The following CD99L2 variants were observed in gnomAD, a reference collection of about 807,000 sequenced individuals.
CD99L2 encodes CD99 molecule like 2.
A neutral mutation model predicts 27.3 loss-of-function variants in CD99L2; 24 were observed. That is an observed-to-expected ratio of 0.88 (90% CI 0.64 to 1.24). CD99L2 has a LOEUF of 1.24. CD99L2 is among the 50% of genes most tolerant of loss of function. CD99L2 has a pLI of 0.00. For synonymous variants in CD99L2, 97 were observed against 87.9 expected (o/e 1.10, Z -0.58); for missense variants, 255 against 221.6 (o/e 1.15, Z -0.96).
At chrX:150,808,198 C>T (rs1331039545) in intron 4 of CD99L2, among the ~76,000 whole-genome samples, 1 of 112,673 alleles carries the variant, frequency 8.9e-6, no homozygotes, top group Admixed American at 9.4e-5. Context: ...ACACTGATAT[C>T]GAAAACATCA....
chrX:150,835,737 T>TA (rs1255490943), intron 1 of CD99L2, among the ~76,000 whole-genome samples: 1 of 110,931 alleles, frequency 9.0e-6, no homozygotes, highest in African/African-American at 3.3e-5. Flanking sequence ...AAATAAAAAT[T>TA]AAAAAATAAA....
At chrX:150,817,035 T>A (rs1490633413) in intron 2 of CD99L2, among the ~76,000 whole-genome samples, 1 of 61,510 alleles carries the variant, frequency 1.6e-5, no homozygotes, top group African/African-American at 6.7e-5. Flanking sequence ...CATCACACTC[T>A]GGGGACTGTT....
At chrX:150,800,409 C>CA (rs1317789399) in intron 4 of CD99L2, among the ~76,000 whole-genome samples, 1 of 110,545 alleles carries the variant, frequency 9.0e-6, no homozygotes, top group African/African-American at 3.3e-5. Flanking sequence ...ATTCAAAGAA[C>CA]AAAAAACAAA....
intron 7 of CD99L2, among the ~76,000 whole-genome samples, chrX:150,781,840 C>T (rs782284958): frequency 8.9e-6 from 1 of 112,301 alleles, no homozygotes; most frequent in East Asian, 2.8e-4. Context: ...GGAGGCATGA[C>T]CTCACTGAGA....
chrX:150,836,916 T>C (rs782751250), intron 1 of CD99L2, among the ~76,000 whole-genome samples: 1 of 112,443 alleles, frequency 8.9e-6, no homozygotes, highest in East Asian at 2.8e-4. Flanking sequence ...TATAATCTTA[T>C]GAGCCCAACA....
At chrX:150,813,325 T>TA (rs2046100571) in intron 4 of CD99L2, among the ~76,000 whole-genome samples, 1 of 112,105 alleles carries the variant, frequency 8.9e-6, no homozygotes, top group Non-Finnish European at 1.9e-5. Context: ...AAGATGTTGC[T>TA]ATTAGGGGAA....
At chrX:150,821,360 CA>C (rs1335011484) in intron 2 of CD99L2, among the ~76,000 whole-genome samples, 1 of 112,182 alleles carries the variant, frequency 8.9e-6, no homozygotes, top group Non-Finnish European at 1.9e-5. Context: ...AGTAAACCTT[CA>C]TATTTATGGT....
rs1473551639 is a variant in CD99L2, at chrX:150,778,570, T to TA, written c.497-1089dup. On this transcript the variant is annotated intron_variant, in intron 7 of 10. Coordinates refer to ENST00000370377, the MANE Select transcript of CD99L2 (RefSeq NM_031462.4). ...TTTTTCTGTGAAACTGAAACTGCTC[T>TA]AAAAAATAAAGCCTATTAAAAGAAA... Among the ~76,000 whole-genome samples the TA allele has an allele frequency of 4.7e-5, 5 of 107,373 alleles. No homozygotes were observed. In the East Asian group the frequency reaches 1.5e-3, roughly 31 times the overall value. 93.2% of individuals were successfully genotyped at this position (107,373 alleles called of 115,157 possible).
chrX:150,778,073 G>C (rs2045432055), intron 7 of CD99L2, among the ~76,000 whole-genome samples: 1 of 111,596 alleles, frequency 9.0e-6, no homozygotes, highest in Non-Finnish European at 1.9e-5. Flanking sequence ...GATTATAAAT[G>C]AGCAACAGTC....
At chrX:150,873,952 T>C (rs142222721) in intron 1 of CD99L2, among the ~76,000 whole-genome samples, 2 of 112,702 alleles carry the variant, frequency 1.8e-5, no homozygotes, top group African/African-American at 6.4e-5. Context: ...CTATTTCCAA[T>C]GACCTAAGGA....
chrX:150,869,883 G>GAGACTGGGGAGGGA (rs781941687), intron 1 of CD99L2, among the ~76,000 whole-genome samples: 7 of 110,830 alleles, frequency 6.3e-5, no homozygotes, highest in African/African-American at 2.3e-4. Flanking sequence ...ATGGGGAGGG[G>GAGACTGGGGAGGGA]AGACTGGGGA....
At chrX:150,806,590 C>T (rs1208083705) in intron 4 of CD99L2, among the ~76,000 whole-genome samples, 2 of 112,222 alleles carry the variant, frequency 1.8e-5, no homozygotes, top group Admixed American at 9.4e-5. Context: ...GACCTGACTT[C>T]GGAAAAATGG....
chrX:150,795,503 G>A lies in CD99L2; in HGVS notation c.278-17C>T. 1 of 1,203,973 alleles carries A rather than the reference G, an allele frequency of 8.3e-7. No individual in the cohort carries two copies. Among genetic ancestry groups the A allele is most frequent in the Non-Finnish European group, 1.1e-6 (1 of 889,267 alleles). On this transcript the variant is annotated splice_polypyrimidine_tract_variant and intron_variant, in intron 4 of 10. Coordinates refer to ENST00000370377, the MANE Select transcript of CD99L2 (RefSeq NM_031462.4). Reference sequence around the variant, plus strand: ...TCCATCTCTCTAAAAGGGGAAGGGAGGACAGCAAAGGGAGCACATTTAGGA... The same window carrying A: ...TCCATCTCTCTAAAAGGGGAAGGGAAGACAGCAAAGGGAGCACATTTAGGA...
intron 1 of CD99L2, among the ~76,000 whole-genome samples, chrX:150,856,395 T>C (rs782331031): frequency 8.9e-6 from 1 of 111,966 alleles, no homozygotes; most frequent in East Asian, 2.8e-4. Context: ...ACATGCCGAC[T>C]GGGCACTCAG....
chrX:150,773,285 T>C (rs2043492669), intron 9 of CD99L2, among the ~76,000 whole-genome samples: 1 of 113,056 alleles, frequency 8.8e-6, no homozygotes, highest in Admixed American at 9.3e-5. Context: ...TCCATGGCCC[T>C]GCCCTTGCCA....
chrX:150,826,423 TGGA>T (rs1443540718), intron 2 of CD99L2, among the ~76,000 whole-genome samples: 1 of 111,123 alleles, frequency 9.0e-6, no homozygotes, highest in Non-Finnish European at 1.9e-5. Flanking sequence ...GTGAGAGTGG[TGGA>T]GGACTCTGAA....
At chrX:150,774,967 G>A (rs1557419211) in intron 9 of CD99L2, among the ~76,000 whole-genome samples, 1 of 112,534 alleles carries the variant, frequency 8.9e-6, no homozygotes, top group African/African-American at 3.2e-5. Context: ...CTCAAGCAGG[G>A]TGGCCATGAA....
chrX:150,791,803 A>T (rs1316181613), intron 7 of CD99L2, among the ~76,000 whole-genome samples: 1 of 111,407 alleles, frequency 9.0e-6, no homozygotes, highest in Non-Finnish European at 1.9e-5. Flanking sequence ...TGTTGACAAA[A>T]GACTGTCATC....
intron 7 of CD99L2, among the ~76,000 whole-genome samples, chrX:150,792,442 G>A (rs2045705977): frequency 8.9e-6 from 1 of 112,036 alleles, no homozygotes; most frequent in African/African-American, 3.2e-5. Flanking sequence ...GACACCTGTA[G>A]GTTTCATTTA....
Sources: allele counts gnomAD v4.1 joint callset (sites outside exome capture counted in the v4.1 genomes callset), GRCh38; gene constraint gnomAD v4.1.1; transcripts MANE v1.5; gene names NCBI Gene and HGNC (gene_info 2026-07-23, HGNC 2026-07-21).